Variants in MLLT3 observed in about 807,000 individuals in gnomAD.
The protein encoded by MLLT3 is protein AF-9.
A neutral mutation model predicts 53.2 loss-of-function variants in MLLT3; 4 were observed. That is an observed-to-expected ratio of 0.08 (90% CI 0.04 to 0.17). MLLT3 has a LOEUF of 0.17. Ranked by LOEUF, MLLT3 falls within the 10% of genes least tolerant of loss-of-function variation. MLLT3 has a pLI of 1.00. For missense variants in MLLT3, 569 were observed against 684.0 expected (o/e 0.83, Z 1.87); for synonymous variants, 283 against 230.6 (o/e 1.23, Z -2.06).
At chr9:20,443,637 T>C (rs1005127716) in intron 4 of MLLT3, among the ~76,000 whole-genome samples, 12 of 152,206 alleles carry the variant, frequency 7.9e-5, no homozygotes, top group Admixed American at 5.2e-4. Context: ...TGTTTTCCTG[T>C]GAATAAATAT....
At position 20,442,484 on chromosome 9, in the gene MLLT3, T is replaced by A. The variant is rs553711033; in HGVS notation, c.420+5639A>T. Reference sequence around the variant, plus strand: ...ATGTCATGATGCACTGTGTGTATATTTACCTATTCAAAAAAATTAAAATTT... The same window carrying A: ...ATGTCATGATGCACTGTGTGTATATATACCTATTCAAAAAAATTAAAATTT... On this transcript the variant is annotated intron_variant, in intron 4 of 10. Transcript: ENST00000380338. Among the ~76,000 whole-genome samples the A allele has an allele frequency of 8.4e-4, 128 of 152,276 alleles. 1 individual carries two copies. The highest frequency in any genetic ancestry group is 3.4e-3 in the Middle Eastern group (1 of 294).
rs1384338893 is a variant in MLLT3 at position 20,493,664 on chromosome 9, A to C, written c.194-36878T>G. ...AAATGGCATTCCTCTTATAAATATA[A>C]TGAGACATCAAAAACAATGTTCACC... On this transcript the variant is annotated intron_variant, in intron 2 of 10. Coordinates refer to ENST00000380338, the MANE Select transcript of MLLT3 (RefSeq NM_004529.4). Among the ~76,000 whole-genome samples the C allele has an allele frequency of 2.0e-5, 3 of 152,124 alleles. No individual in the cohort carries two copies. In the East Asian group the frequency reaches 5.8e-4, roughly 29 times the overall value.
Position 20,413,946 on chromosome 9 carries a change from C to T in MLLT3, c.900G>A (p.Lys300=), listed in dbSNP as rs1278889912. The change falls in exon 5 of 11, where the codon AAG becomes AAA. Residue 300 remains lysine (K), a synonymous_variant. Coordinates refer to ENST00000380338, the MANE Select transcript of MLLT3 (RefSeq NM_004529.4). ...TTTTAAATAAAGCCTCTGAGCTACT[C>T]TTTTTCCTTTTTTTGGCTGAGAGTT... is the stretch of plus-strand genomic sequence containing the variant. The part of the protein sequence containing the change: ...SEELSAKKRK[K]SSSEALFKSF... The T allele has an allele frequency of 5.6e-6, 9 of 1,613,532 alleles. No individual in the cohort carries two copies. Among genetic ancestry groups the T allele is most frequent in the African/African-American group, 1.3e-5 (1 of 74,792 alleles).
chr9:20,353,482 C>T, intron 10 of MLLT3, 43 bp downstream of exon 10: 1 of 1,563,928 alleles, frequency 6.4e-7, no homozygotes, highest in Non-Finnish European at 8.8e-7. Flanking sequence ...CAAACCAAGT[C>T]TTGAAGTTTC....
rs1000336756 is a variant in MLLT3, at chr9:20,414,031, A to G, written c.815T>C (p.Ile272Thr). ...EPKPDSNLLT[I>T]TSGQDKKAPS... ...AGCCTTCTTATCTTGTCCACTGGTGATGGTGAGTAAGTTACTATCTGGTTT... is the reference window on the plus strand; with the variant it reads ...AGCCTTCTTATCTTGTCCACTGGTGGTGGTGAGTAAGTTACTATCTGGTTT... The change falls in exon 5 of 11, where the codon ATC (isoleucine) becomes ACC (threonine). Residue 272 changes from isoleucine to threonine, a missense_variant. Physicochemically the swap from Ile to Thr is moderately conservative, Grantham distance 89. This residue lies in a region of MLLT3 where 437 missense variants were observed against 376.5 expected (regional missense o/e 1.16). Coordinates refer to ENST00000380338, the MANE Select transcript of MLLT3 (RefSeq NM_004529.4). 9 of 1,613,946 alleles carry G rather than the reference A, an allele frequency of 5.6e-6. No homozygotes were observed. The highest frequency in any genetic ancestry group is 7.6e-6 in the Non-Finnish European group (9 of 1,180,008).
intron 4 of MLLT3, among the ~76,000 whole-genome samples, chr9:20,423,533 C>G (rs1304475477): frequency 2.0e-5 from 3 of 151,918 alleles, no homozygotes; most frequent in African/African-American, 4.8e-5. Context: ...CAGGAAAAGG[C>G]CAGGTACAGT....
chr9:20,502,373 C>T (rs781048176), intron 2 of MLLT3: 3 of 153,150 alleles, frequency 2.0e-5, no homozygotes, highest in Non-Finnish European at 4.4e-5. Flanking sequence ...TTACATAGCA[C>T]TGTAAGGAGC....
At chr9:20,515,884 T>A (rs1587013969) in intron 2 of MLLT3, among the ~76,000 whole-genome samples, 1 of 152,114 alleles carries the variant, frequency 6.6e-6, no homozygotes, top group South Asian at 2.1e-4. Context: ...GGCTGGGGAG[T>A]ATGTCTGAAG....
At chr9:20,477,010 T>C (rs768732488) in intron 2 of MLLT3, among the ~76,000 whole-genome samples, 2 of 152,148 alleles carry the variant, frequency 1.3e-5, no homozygotes, top group Non-Finnish European at 2.9e-5. Flanking sequence ...CTATAAATAG[T>C]TTGACAGACA....
In MLLT3 at chr9:20,449,708, TCTCCA is replaced by T. The variant is rs1377191611; in HGVS notation, c.277-1447_277-1443del. On this transcript the variant is annotated intron_variant, in intron 3 of 10. Coordinates refer to ENST00000380338, the MANE Select transcript of MLLT3 (RefSeq NM_004529.4). ...CCTCACCAAACTTCCCAAATCATAA[TCTCCA>T]CTCATTTCCTCAGTACCCCTTCACT... 3.3e-5 allele frequency among the ~76,000 whole-genome samples: 5 copies of T among 152,212 alleles called. No individual in the cohort carries two copies. In the South Asian group the frequency reaches 6.2e-4, roughly 19 times the overall value.
At chr9:20,587,225 C>T (rs571688011) in intron 2 of MLLT3, among the ~76,000 whole-genome samples, 1 of 147,278 alleles carries the variant, frequency 6.8e-6, no homozygotes, top group East Asian at 2.0e-4. Flanking sequence ...AGGTTCATAT[C>T]TGCAAAGGGA....
intron 2 of MLLT3, among the ~76,000 whole-genome samples, chr9:20,547,892 C>A (rs943930429): frequency 2.6e-5 from 4 of 152,154 alleles, no homozygotes; most frequent in African/African-American, 9.7e-5. Context: ...CTCAAGGCTA[C>A]AATAAACTGA....
chr9:20,400,081 T>A (rs1003947451), intron 5 of MLLT3, among the ~76,000 whole-genome samples: 6 of 151,838 alleles, frequency 4.0e-5, no homozygotes, highest in Non-Finnish European at 8.8e-5. Flanking sequence ...ATAGGCCTCC[T>A]AATAAAAGAA....
intron 2 of MLLT3, among the ~76,000 whole-genome samples, chr9:20,607,315 A>G (rs1410398403): frequency 6.6e-6 from 1 of 152,182 alleles, no homozygotes; most frequent in Non-Finnish European, 1.5e-5. Flanking sequence ...TAATAAAAGC[A>G]GCAAATAAAC....
intron 2 of MLLT3, among the ~76,000 whole-genome samples, chr9:20,534,661 C>T (rs996678037): frequency 1.3e-5 from 2 of 152,094 alleles, no homozygotes; most frequent in Non-Finnish European, 2.9e-5. Context: ...CCAAGGCGGG[C>T]GGATCACGAG....
chr9:20,532,244 C>T (rs558436878), intron 2 of MLLT3, among the ~76,000 whole-genome samples: 2 of 151,730 alleles, frequency 1.3e-5, no homozygotes, highest in Admixed American at 1.3e-4. Flanking sequence ...AAACATTCAC[C>T]AGCAATACTT....
chr9:20,392,259 T>C (rs935099507), intron 5 of MLLT3, among the ~76,000 whole-genome samples: 1 of 152,200 alleles, frequency 6.6e-6, no homozygotes, highest in African/African-American at 2.4e-5. Context: ...TGTAAGAACC[T>C]TCAGGGTCCA....
intron 2 of MLLT3, among the ~76,000 whole-genome samples, chr9:20,463,137 T>C (rs1824152596): frequency 6.6e-6 from 1 of 152,162 alleles, no homozygotes. Context: ...AGAGAACCCC[T>C]AGATTTGGAA....
intron 4 of MLLT3, among the ~76,000 whole-genome samples, chr9:20,447,740 T>C (rs2118846115): frequency 6.6e-6 from 1 of 152,330 alleles, no homozygotes; most frequent in East Asian, 1.9e-4. Flanking sequence ...GGATTTCTTT[T>C]TATATAATTT....
Sources: gnomAD v4.1 joint callset for allele counts (sites outside exome capture counted in the v4.1 genomes callset) on GRCh38, gnomAD v4.1.1 for gene constraint, gnomAD v4.1.1 regional missense constraint, MANE v1.5 for transcripts, NCBI Gene and HGNC (gene_info 2026-07-23, HGNC 2026-07-21) for gene names.